Variants in TCERG1L observed in about 807,000 individuals in gnomAD.
TCERG1L encodes the protein transcription elongation regulator 1 like, also known as transcription elongation regulator 1-like protein.
Under a neutral mutation model 56.3 loss-of-function variants are expected in TCERG1L, and 37 were observed. That is an observed-to-expected ratio of 0.66 (90% CI 0.51 to 0.87). TCERG1L has a LOEUF of 0.87. Among genes scored for constraint, TCERG1L ranks in the 40% least tolerant of loss-of-function variants. The pLI, the probability that TCERG1L is intolerant of heterozygous loss-of-function variation, is 0.00. For synonymous variants in TCERG1L, 324 were observed against 326.3 expected (o/e 0.99, Z 0.08); for missense variants, 799 against 774.2 (o/e 1.03, Z -0.38).
intron 6 of TCERG1L, among the ~76,000 whole-genome samples, chr10:131,160,351 C>T (rs1462080887): frequency 6.6e-6 from 1 of 152,100 alleles, no homozygotes; most frequent in Non-Finnish European, 1.5e-5. Flanking sequence ...GGCCATCCTT[C>T]CTCTGTGCTC....
At chr10:131,171,682 C>T (rs566076449) in intron 4 of TCERG1L, among the ~76,000 whole-genome samples, 40 of 152,278 alleles carry the variant, frequency 2.6e-4, no homozygotes, top group African/African-American at 9.4e-4. Context: ...GTGATTCTCC[C>T]GTCTCAGCCT....
chr10:131,285,627 A>C (rs1436388533), intron 3 of TCERG1L, among the ~76,000 whole-genome samples: 1 of 152,176 alleles, frequency 6.6e-6, no homozygotes, highest in African/African-American at 2.4e-5. Context: ...ACGTGGACTA[A>C]AGACGCTAAA....
Position 131,111,430 on chromosome 10 carries a change from T to C in TCERG1L, c.1395+5369A>G, listed in dbSNP as rs560035258. ...CTTTTGCGAAAGTCCTGGAAGCTAA[T>C]GTTTTGACCAAATTTGACTGTTAAA... On this transcript the variant is annotated intron_variant, in intron 9 of 11. Coordinates refer to ENST00000368642, the MANE Select transcript of TCERG1L (RefSeq NM_174937.4). Among the ~76,000 whole-genome samples the C allele has an allele frequency of 2.9e-4, 42 of 143,350 alleles. 5 individuals carry two copies. The highest frequency in any genetic ancestry group is 2.1e-3 in the Admixed American group (31 of 14,592). 94.0% of individuals were successfully genotyped at this position (143,350 alleles called of 152,430 possible).
At chr10:131,177,084 G>A (rs111406783) in intron 4 of TCERG1L, among the ~76,000 whole-genome samples, 26,047 of 74,134 alleles carry the variant, frequency 0.35, 3,010 homozygotes, top group Middle Eastern at 0.46. Flanking sequence ...ACACACACAC[G>A]TACTCACAGA....
rs1845194347 is a variant in TCERG1L at position 131,092,889 on chromosome 10, T to C, written c.*273A>G. On this transcript the variant is annotated 3_prime_UTR_variant, in exon 12 of 12. Transcript: ENST00000368642. ...TCCCCACAGTCCTGCAGTGGATTGA[T>C]AATTTGTGTATATTACAAGTAATTT... The C allele has an allele frequency of 1.2e-5, 4 of 327,722 alleles. No homozygotes were observed. Among genetic ancestry groups the C allele is most frequent in the Non-Finnish European group, 2.2e-5 (4 of 180,396 alleles). The allele number at this position is 327,722 out of a possible 1,614,324, so 20.3% of individuals were successfully genotyped here. A position where few individuals can be genotyped will look rare whatever the true frequency, so the allele number is the denominator to read the frequency against.
intron 3 of TCERG1L, among the ~76,000 whole-genome samples, chr10:131,304,391 C>T (rs1181594026): frequency 1.3e-5 from 2 of 152,002 alleles, no homozygotes; most frequent in East Asian, 1.9e-4. Context: ...CCCTTCTCCA[C>T]GTCTGCCTGT....
chr10:131,235,952 A>G lies in TCERG1L; in HGVS notation c.856+24307T>C, dbSNP rs142836777. Reference sequence around the variant, plus strand: ...CCCTATAAAATGTCCTTACAAAATTAAAGAAATAGACAGTAAATACAGTGC... The same window carrying G: ...CCCTATAAAATGTCCTTACAAAATTGAAGAAATAGACAGTAAATACAGTGC... On this transcript the variant is annotated intron_variant, in intron 4 of 11. Transcript: ENST00000368642. Among the ~76,000 whole-genome samples the G allele has an allele frequency of 5.6e-3, 846 of 152,366 alleles. 6 individuals are homozygous for G. The highest frequency in any genetic ancestry group is 0.019 in the African/African-American group (802 of 41,580).
intron 4 of TCERG1L, among the ~76,000 whole-genome samples, chr10:131,230,831 A>T (rs1845842077): frequency 6.6e-6 from 1 of 152,226 alleles, no homozygotes; most frequent in South Asian, 2.1e-4. Flanking sequence ...GGCTCCAGGC[A>T]GGCGGCTCTG....
At chr10:131,100,083 T>C (rs1407644826) in intron 10 of TCERG1L, among the ~76,000 whole-genome samples, 1 of 152,164 alleles carries the variant, frequency 6.6e-6, no homozygotes, top group Non-Finnish European at 1.5e-5. Flanking sequence ...GCCAGCCTGG[T>C]TGCGAACTCC....
intron 4 of TCERG1L, among the ~76,000 whole-genome samples, chr10:131,219,992 TC>T (rs1845713058): frequency 6.6e-6 from 1 of 152,076 alleles, no homozygotes; most frequent in Non-Finnish European, 1.5e-5. Flanking sequence ...ATGGTCCTTT[TC>T]CTGAGAAACG....
chr10:131,230,300 C>T (rs1845835139), intron 4 of TCERG1L, among the ~76,000 whole-genome samples: 1 of 152,262 alleles, frequency 6.6e-6, no homozygotes, highest in Non-Finnish European at 1.5e-5. Flanking sequence ...GTGCACTATT[C>T]TGAACAGCGC....
intron 6 of TCERG1L, among the ~76,000 whole-genome samples, chr10:131,156,677 A>C (rs943112476): frequency 5.9e-5 from 9 of 152,198 alleles, no homozygotes; most frequent in Non-Finnish European, 1.3e-4. Flanking sequence ...TAGATTCCAG[A>C]CATTGTATAG....
intron 3 of TCERG1L, among the ~76,000 whole-genome samples, chr10:131,284,015 T>C (rs939515849): frequency 4.0e-5 from 6 of 150,860 alleles, no homozygotes; most frequent in African/African-American, 1.2e-4. Context: ...CCCAGCTACT[T>C]GGGAGGCTGA....
rs1343534720 is a variant in TCERG1L at position 131,166,091 on chromosome 10, C to T, written c.945+706G>A. Reference sequence around the variant, plus strand: ...CCTGCACTGATGATTCAGGAGGAGACGTGAACAACAGGGTGACTACACCCT... The same window carrying T: ...CCTGCACTGATGATTCAGGAGGAGATGTGAACAACAGGGTGACTACACCCT... On this transcript the variant is annotated intron_variant, in intron 5 of 11. Transcript: ENST00000368642. Among the ~76,000 whole-genome samples, 5 of 152,132 alleles carry T rather than the reference C, an allele frequency of 3.3e-5. No individual in the cohort carries two copies. The South Asian group carries it at 6.2e-4, about 19-fold the overall frequency.
At chr10:131,104,932 A>G (rs1469215988) in intron 9 of TCERG1L, among the ~76,000 whole-genome samples, 1 of 152,246 alleles carries the variant, frequency 6.6e-6, no homozygotes, top group Non-Finnish European at 1.5e-5. Context: ...ACCACTAACC[A>G]TGACGCATTA....
At chr10:131,141,453 C>T (rs937666716) in intron 7 of TCERG1L, among the ~76,000 whole-genome samples, 15 of 152,182 alleles carry the variant, frequency 9.9e-5, no homozygotes, top group Non-Finnish European at 2.2e-4. Context: ...TTGTTGCTTG[C>T]TTCTCTTCCC....
chr10:131,146,509 C>G lies in TCERG1L; in HGVS notation c.1186G>C (p.Ala396Pro). ...AAATAACCCAGGGCTTAGTTACTTG[C>G]TGGTGCCTCCAGCTTGCGTTTGTGG... ...PPHKRKLEAP[A>P]TDNSDGSSSE... The change falls in exon 7 of 12, where the codon GCA (alanine) becomes CCA (proline). Residue 396 changes from alanine to proline, a missense_variant. Transcript: ENST00000368642. The G allele has an allele frequency of 6.2e-7, 1 of 1,607,806 alleles. No homozygotes were observed.
chr10:131,311,410 CG>C lies in TCERG1L; in HGVS notation c.225del (p.Gly76ValfsTer49). ...CTCGGGGCCGGCCAGCCGGGGAGACCGGGGAGCAGCGGGGCCGCGGGCGGCG... is the reference window on the plus strand; with the variant it reads ...CTCGGGGCCGGCCAGCCGGGGAGACCGGGAGCAGCGGGGCCGCGGGCGGCG... ...SAPPPAAPLL[P>X]GLPGWPAPSE... On this transcript the variant is annotated frameshift_variant, in exon 1 of 12. Transcript: ENST00000368642. LOFTEE classifies it high-confidence loss of function. This position sits in a 1 kb window ranked among gnomAD's most constrained non-coding sequence, Gnocchi z 4.0. The C allele has an allele frequency of 1.7e-6, 2 of 1,179,686 alleles. No homozygotes were observed. Among genetic ancestry groups the C allele is most frequent in the Non-Finnish European group, 2.1e-6 (2 of 955,888 alleles). The allele number at this position is 1,179,686 out of a possible 1,614,324, so 73.1% of individuals were successfully genotyped here. A position where few individuals can be genotyped will look rare whatever the true frequency, so the allele number is the denominator to read the frequency against.
intron 8 of TCERG1L, among the ~76,000 whole-genome samples, chr10:131,130,118 A>G (rs1845602036): frequency 6.6e-6 from 1 of 151,152 alleles, no homozygotes; most frequent in African/African-American, 2.4e-5. Context: ...GAACGGATTC[A>G]CAGTTCCACG....
Sources: allele counts gnomAD v4.1 joint callset (sites outside exome capture counted in the v4.1 genomes callset), GRCh38; gene constraint gnomAD v4.1.1; non-coding constraint Gnocchi (gnomAD v3.1); transcripts MANE v1.5; gene names NCBI Gene and HGNC (gene_info 2026-07-23, HGNC 2026-07-21).